Variants in BMPR1A observed in about 807,000 individuals in gnomAD.
BMPR1A encodes the protein bone morphogenetic protein receptor type-1A.
In BMPR1A, 7 loss-of-function variants were observed where a neutral mutation model predicts 66.0. The ratio of observed to expected loss-of-function variants is 0.11; its 90% CI spans 0.06 to 0.20. The LOEUF (loss-of-function observed/expected upper bound fraction) is 0.20, where lower values mean the gene tolerates loss of function less well. Ranked by LOEUF, BMPR1A falls within the 10% of genes least tolerant of loss-of-function variation. BMPR1A has a pLI of 1.00. For missense variants in BMPR1A, 408 were observed against 669.1 expected (o/e 0.61, Z 4.31); for synonymous variants, 200 against 229.7 (o/e 0.87, Z 1.17).
intron 1 of BMPR1A, among the ~76,000 whole-genome samples, chr10:86,762,906 T>G (rs1436513360): frequency 6.6e-6 from 1 of 151,994 alleles, no homozygotes. Flanking sequence ...AGTATTTATT[T>G]ATTTATTTGA....
At chr10:86,815,866 G>T (rs1317602268) in intron 1 of BMPR1A, among the ~76,000 whole-genome samples, 1 of 152,176 alleles carries the variant, frequency 6.6e-6, no homozygotes, top group Non-Finnish European at 1.5e-5. Flanking sequence ...GCTGGCCAGT[G>T]GACTTTGAGG....
Position 86,828,009 on chromosome 10 carries a change from G to A in BMPR1A, c.-267-10856G>A, listed in dbSNP as rs866594005. Among the ~76,000 whole-genome samples, 6 of 152,126 alleles carry A rather than the reference G, an allele frequency of 3.9e-5. No individual in the cohort carries two copies. In the South Asian group the frequency reaches 8.3e-4, roughly 21 times the overall value. On this transcript the variant is annotated intron_variant, in intron 1 of 12. Transcript: ENST00000372037. Reference sequence around the variant, plus strand: ...TCTACTAAAAATAAAAAAATTAGCCGAGCGTGGTGACACGTGCCTGTAATC... The same window carrying A: ...TCTACTAAAAATAAAAAAATTAGCCAAGCGTGGTGACACGTGCCTGTAATC...
chr10:86,778,007 CA>C (rs55951007), intron 1 of BMPR1A, among the ~76,000 whole-genome samples: 40,442 of 114,134 alleles, frequency 0.35, 6,558 homozygotes, highest in East Asian at 0.74. Context: ...GAGCGAAACT[CA>C]AAAAAAAAAA....
At chr10:86,757,823 G>A (rs1745670919) in intron 1 of BMPR1A, among the ~76,000 whole-genome samples, 1 of 152,180 alleles carries the variant, frequency 6.6e-6, no homozygotes, top group African/African-American at 2.4e-5. Flanking sequence ...ACTTGTCTAA[G>A]GGAGCTGGGA....
intron 2 of BMPR1A, among the ~76,000 whole-genome samples, chr10:86,872,995 A>G (rs1360618034): frequency 6.6e-6 from 1 of 152,200 alleles, no homozygotes. Context: ...AACTTATGCC[A>G]GGGTAGCAGG....
At chr10:86,881,152 A>T (rs1342106036) in intron 3 of BMPR1A, among the ~76,000 whole-genome samples, 2 of 152,064 alleles carry the variant, frequency 1.3e-5, no homozygotes, top group Non-Finnish European at 2.9e-5. Context: ...TGGGCGGGAG[A>T]ATCACTTGAG....
chr10:86,778,841 T>C (rs1217510756), intron 1 of BMPR1A, among the ~76,000 whole-genome samples: 1 of 152,178 alleles, frequency 6.6e-6, no homozygotes, highest in Non-Finnish European at 1.5e-5. Flanking sequence ...TGATTAACTT[T>C]CTGTTCCTGG....
chr10:86,913,546 G>T (rs908206625), intron 8 of BMPR1A, among the ~76,000 whole-genome samples: 4 of 152,040 alleles, frequency 2.6e-5, no homozygotes, highest in Admixed American at 6.6e-5. Flanking sequence ...CCCAAGAATG[G>T]TACAATAAAA....
chr10:86,838,781 G>A (rs1181257761), intron 1 of BMPR1A, 84 bp from the exon 2 acceptor site: 3 of 152,048 alleles, frequency 2.0e-5, no homozygotes, highest in Non-Finnish European at 2.9e-5. Context: ...TTGTACATGC[G>A]AAACGCTTCT....
chr10:86,901,038 C>T (rs1843301179), intron 7 of BMPR1A, among the ~76,000 whole-genome samples: 2 of 152,236 alleles, frequency 1.3e-5, no homozygotes, highest in African/African-American at 4.8e-5. Flanking sequence ...GCAGCTTTCA[C>T]CATGGTCTCT....
chr10:86,886,242 C>G (rs888148226), intron 3 of BMPR1A, among the ~76,000 whole-genome samples: 1 of 152,076 alleles, frequency 6.6e-6, no homozygotes, highest in Non-Finnish European at 1.5e-5. Context: ...TCCTGTTGGG[C>G]CCTGGGAGCA....
chr10:86,790,181 AAAAAAAAATATATAT>A (rs1841585541), intron 1 of BMPR1A, among the ~76,000 whole-genome samples: 1 of 42,382 alleles, frequency 2.4e-5, no homozygotes, highest in Non-Finnish European at 3.8e-5. Flanking sequence ...AAAAAAAAAA[AAAAAAAAATATATAT>A]ATATATATAT....
At chr10:86,760,335 C>T (rs1841029927) in intron 1 of BMPR1A, among the ~76,000 whole-genome samples, 1 of 143,410 alleles carries the variant, frequency 7.0e-6, no homozygotes, top group African/African-American at 2.6e-5. Context: ...CTCATTGCAA[C>T]CTCTGCCTCC....
downstream of BMPR1A, chr10:86,931,199 C>A (rs1462104708): frequency 1.4e-5 from 2 of 146,978 alleles, no homozygotes; most frequent in African/African-American, 5.1e-5. Flanking sequence ...TGAGATCGCA[C>A]CACTGCATTC....
At chr10:86,837,754 T>G (rs1842373054) in intron 1 of BMPR1A, among the ~76,000 whole-genome samples, 1 of 152,176 alleles carries the variant, frequency 6.6e-6, no homozygotes, top group Admixed American at 6.5e-5. Context: ...TTGAGAAGAC[T>G]GAAAGGCTCC....
intron 1 of BMPR1A, among the ~76,000 whole-genome samples, chr10:86,775,146 T>G (rs1203177214): frequency 6.6e-6 from 1 of 152,194 alleles, no homozygotes; most frequent in Non-Finnish European, 1.5e-5. Context: ...GTAATCTACC[T>G]AGAAAAGCCA....
chr10:86,812,426 T>C (rs1020867495), intron 1 of BMPR1A, among the ~76,000 whole-genome samples: 1 of 152,234 alleles, frequency 6.6e-6, no homozygotes, highest in African/African-American at 2.4e-5. Context: ...TTAGAAGGAC[T>C]TACGTGTTGT....
chr10:86,814,778 G>GT (rs796716712), intron 1 of BMPR1A, among the ~76,000 whole-genome samples: 38 of 150,532 alleles, frequency 2.5e-4, no homozygotes, highest in African/African-American at 6.1e-4. Context: ...TTCCTTCACT[G>GT]TTTTTTTTTG....
intron 1 of BMPR1A, among the ~76,000 whole-genome samples, chr10:86,807,355 A>G (rs1345903968): frequency 1.3e-5 from 2 of 151,948 alleles, no homozygotes; most frequent in Non-Finnish European, 2.9e-5. Flanking sequence ...GGATTTGTGT[A>G]TTTAGTGAAA....
Sources: gnomAD v4.1 joint callset for allele counts (sites outside exome capture counted in the v4.1 genomes callset) on GRCh38, gnomAD v4.1.1 for gene constraint, MANE v1.5 for transcripts, NCBI Gene and HGNC (gene_info 2026-07-23, HGNC 2026-07-21) for gene names.